Variants in POLR2B observed in about 807,000 individuals in gnomAD.
POLR2B encodes the protein DNA-directed RNA polymerase II subunit RPB2.
In POLR2B, 57 loss-of-function variants were observed where a neutral mutation model predicts 144.6. The ratio of observed to expected loss-of-function variants is 0.39; its 90% CI spans 0.32 to 0.49. POLR2B has a LOEUF of 0.49. POLR2B is among the 20% of genes least tolerant of loss of function. The pLI, the probability that POLR2B is intolerant of heterozygous loss-of-function variation, is 0.83. For missense variants in POLR2B, 595 were observed against 1,467.4 expected, an observed-to-expected ratio of 0.41 and a Z score of 9.71; for synonymous variants, 442 against 469.8, an observed-to-expected ratio of 0.94 and a Z score of 0.77.
chr4:56,986,434 T>C lies in POLR2B; in HGVS notation c.92+8T>C, dbSNP rs1184737750. The C allele has an allele frequency of 1.3e-6, 2 of 1,588,498 alleles. No homozygotes were observed. The highest frequency in any genetic ancestry group is 1.7e-5 in the Admixed American group (1 of 59,874). ...ATGCTGGATTGTAATCAGGTAACTT[T>C]GGACCAAACTGAATTAGCCTGAAAA... is the stretch of plus-strand genomic sequence containing the variant. On this transcript the variant is annotated splice_region_variant and intron_variant, in intron 2 of 24. Coordinates refer to ENST00000314595, the MANE Select transcript of POLR2B (RefSeq NM_000938.3).
intron 23 of POLR2B, among the ~76,000 whole-genome samples, chr4:57,026,565 T>G (rs935474381): frequency 3.3e-5 from 5 of 152,136 alleles, no homozygotes; most frequent in Non-Finnish European, 7.4e-5. Flanking sequence ...AAATTTATTG[T>G]TTTAAAAATG....
intron 3 of POLR2B, among the ~76,000 whole-genome samples, chr4:56,993,788 G>A (rs1205476852): frequency 5.9e-5 from 9 of 151,818 alleles, no homozygotes; most frequent in Admixed American, 5.9e-4. Context: ...CTACTCCTTT[G>A]ACAGATTAAT....
intron 14 of POLR2B, among the ~76,000 whole-genome samples, chr4:57,016,396 A>T (rs1224824432): frequency 6.6e-6 from 1 of 151,966 alleles, no homozygotes; most frequent in Non-Finnish European, 1.5e-5. Flanking sequence ...AAAAATAAAA[A>T]AATTAGTCAA....
At chr4:57,000,815 C>T (rs926379847) in intron 7 of POLR2B, among the ~76,000 whole-genome samples, 1 of 151,844 alleles carries the variant, frequency 6.6e-6, no homozygotes, top group African/African-American at 2.4e-5. Context: ...CCTGCCTCAG[C>T]CTCCCAAGTA....
At chr4:56,981,248 G>T (rs1045376318) in intron 1 of POLR2B, among the ~76,000 whole-genome samples, 2 of 151,404 alleles carry the variant, frequency 1.3e-5, no homozygotes, top group African/African-American at 4.9e-5. Context: ...AAAGCATCGC[G>T]CCCCCCCTCC....
At chr4:57,024,283 A>T (rs548123596) in intron 21 of POLR2B, among the ~76,000 whole-genome samples, 171 bp downstream of exon 21, 53 of 152,178 alleles carry the variant, frequency 3.5e-4, no homozygotes, top group African/African-American at 1.2e-3. Context: ...GCAATTTGCA[A>T]AGTTATGGAC....
At chr4:56,980,169 G>T (rs958486329) in intron 1 of POLR2B, among the ~76,000 whole-genome samples, 1 of 149,952 alleles carries the variant, frequency 6.7e-6, no homozygotes, top group Non-Finnish European at 1.5e-5. Context: ...CAAACCATCT[G>T]CCTGTCTCGG....
chr4:57,019,036 T>C (rs1395912595), intron 16 of POLR2B, among the ~76,000 whole-genome samples: 1 of 152,222 alleles, frequency 6.6e-6, no homozygotes, highest in Non-Finnish European at 1.5e-5. Flanking sequence ...TTTAGTGTAT[T>C]GTAATGGGGC....
chr4:57,005,223 CTTTT>C lies in POLR2B; in HGVS notation c.901-22_901-19del. 7.1e-7 allele frequency: 1 copy of C among 1,410,434 alleles called. No individual in the cohort carries two copies. Among genetic ancestry groups the C allele is most frequent in the Non-Finnish European group, 9.4e-7 (1 of 1,062,816 alleles). The allele number at this position is 1,410,434 out of a possible 1,614,324, so 87.4% of individuals were successfully genotyped here. ...GGTAGCAACATGAATTTGAAAATAA[CTTTT>C]ATTTAAATTGTCTGATAGGTTAAAC... On this transcript the variant is annotated intron_variant, in intron 7 of 24. Transcript: ENST00000314595.
rs947746937 is a variant in POLR2B, at chr4:57,025,093, CAT to C, written c.3078+97_3078+98del. 53 of 673,220 alleles carry C rather than the reference CAT, an allele frequency of 7.9e-5. No individual in the cohort carries two copies. In the African/African-American group the frequency reaches 8.0e-4, roughly 10 times the overall value. 41.7% of individuals were successfully genotyped at this position (673,220 alleles called of 1,614,324 possible). ...ACAATGTAACCTTTTATTGAAGTAT[CAT>C]ATGTGCACATATAGAAATGTACAGC... On this transcript the variant is annotated intron_variant, in intron 22 of 24. Coordinates refer to ENST00000314595, the MANE Select transcript of POLR2B (RefSeq NM_000938.3).
At chr4:56,990,281 A>G (rs1722474173) in intron 2 of POLR2B, among the ~76,000 whole-genome samples, 1 of 151,958 alleles carries the variant, frequency 6.6e-6, no homozygotes, top group African/African-American at 2.4e-5. Context: ...GCTGGAGTGC[A>G]ATGATGCAAT....
At chr4:57,006,780 T>G (rs766463199) in intron 9 of POLR2B, 36 bp from the exon 10 acceptor site, 1 of 1,514,780 alleles carries the variant, frequency 6.6e-7, no homozygotes, top group Non-Finnish European at 9.1e-7. Context: ...GTTGTAGACC[T>G]CTACATGTTT....
At chr4:57,028,948 A>G (rs1723810078) in intron 23 of POLR2B, among the ~76,000 whole-genome samples, 1 of 152,234 alleles carries the variant, frequency 6.6e-6, no homozygotes, top group South Asian at 2.1e-4. Context: ...TTTTGAATTT[A>G]TTGGTTGCCT....
At chr4:57,011,678 C>T (rs766631716) in intron 13 of POLR2B, among the ~76,000 whole-genome samples, 16 of 152,064 alleles carry the variant, frequency 1.1e-4, no homozygotes, top group Non-Finnish European at 2.1e-4. Flanking sequence ...CAAAAATTAG[C>T]TGGGCGTGGT....
At chr4:56,994,932 A>T in intron 5 of POLR2B, 66 bp downstream of exon 5, 9 of 90,190 alleles carry the variant, frequency 1.0e-4, no homozygotes, top group South Asian at 2.1e-4. Flanking sequence ...GTTGAAATGA[A>T]AAAAAAAAAA....
chr4:56,990,377 C>G (rs1440088341), intron 2 of POLR2B, among the ~76,000 whole-genome samples: 1 of 152,116 alleles, frequency 6.6e-6, no homozygotes, highest in Non-Finnish European at 1.5e-5. Context: ...AGGCACATGC[C>G]ACCATGCCTG....
intron 17 of POLR2B, 136 bp downstream of exon 17, chr4:57,021,131 C>T (rs1723533939): frequency 1.6e-6 from 1 of 640,148 alleles, no homozygotes; most frequent in Admixed American, 2.8e-5. Context: ...TCACAAACAG[C>T]TGAAGATACT....
At position 57,023,955 on chromosome 4, in the gene POLR2B, C is replaced by A. The variant is rs1282466475; in HGVS notation, c.2857-50C>A. On this transcript the variant is annotated intron_variant, in intron 20 of 24. Coordinates refer to ENST00000314595, the MANE Select transcript of POLR2B (RefSeq NM_000938.3). This position sits in a 1 kb window ranked among gnomAD's most constrained non-coding sequence, Gnocchi z 4.3. ...AGTTGGGAGAACTGAAATGTCAGTT[C>A]TAGTTTAGTATATGTATCTTTGAGT... 2 of 1,035,026 alleles carry A rather than the reference C, an allele frequency of 1.9e-6. No individual in the cohort carries two copies. Among genetic ancestry groups the A allele is most frequent in the Non-Finnish European group, 2.9e-6 (2 of 692,672 alleles). The allele number at this position is 1,035,026 out of a possible 1,614,324, so 64.1% of individuals were successfully genotyped here.
intron 23 of POLR2B, among the ~76,000 whole-genome samples, chr4:57,029,171 A>G (rs541668240): frequency 2.6e-5 from 4 of 152,258 alleles, no homozygotes; most frequent in African/African-American, 7.2e-5. Flanking sequence ...GTGGTATTCT[A>G]TACTTCCAGT....
Sources: gnomAD v4.1 joint callset for allele counts (sites outside exome capture counted in the v4.1 genomes callset) on GRCh38, gnomAD v4.1.1 for gene constraint, Gnocchi (gnomAD v3.1) non-coding constraint, MANE v1.5 for transcripts, NCBI Gene and HGNC (gene_info 2026-07-23, HGNC 2026-07-21) for gene names.